The following BANP variants were observed in gnomAD, a reference collection of about 807,000 sequenced individuals.
BANP encodes the protein protein BANP.
In BANP, 11 loss-of-function variants were observed where a neutral mutation model predicts 68.1. The ratio of observed to expected loss-of-function variants is 0.16; its 90% CI spans 0.10 to 0.27. The LOEUF (loss-of-function observed/expected upper bound fraction) is 0.27. BANP is among the 10% of genes least tolerant of loss of function. BANP has a pLI of 1.00. For synonymous variants in BANP, 329 were observed against 303.2 expected (o/e 1.09, Z -0.88); for missense variants, 504 against 722.7 (o/e 0.70, Z 3.47).
At chr16:87,962,587 T>C (rs1567589724) in intron 1 of BANP, among the ~76,000 whole-genome samples, 1 of 152,144 alleles carries the variant, frequency 6.6e-6, no homozygotes, top group Non-Finnish European at 1.5e-5. Context: ...CAGGTGAAAT[T>C]ATGCATGCTA....
At chr16:87,967,507 G>A (rs1438640733) in intron 1 of BANP, among the ~76,000 whole-genome samples, 1 of 152,080 alleles carries the variant, frequency 6.6e-6, no homozygotes, top group Non-Finnish European at 1.5e-5. Context: ...TGAGGCTGGA[G>A]TGTAGTGGCA....
In BANP at chr16:87,970,925, G is replaced by C. The variant is rs1263043827; in HGVS notation, c.-68-4123G>C. 1.3e-5 allele frequency among the ~76,000 whole-genome samples: 2 copies of C among 151,604 alleles called. 1 individual carries two copies. The highest frequency in any genetic ancestry group is 6.3e-3 in the Middle Eastern group (2 of 316). On this transcript the variant is annotated intron_variant, in intron 1 of 13. Transcript: ENST00000682872. The stretch of plus-strand genomic sequence containing the variant: ...ACAGCTACTCGGGAGGCTGAGGCTG[G>C]AGAATCGCTTGAACCCAGGAGGCGG...
chr16:88,076,942 CTA>C lies in BANP; in HGVS notation c.*283_*284del. 2.5e-6 allele frequency: 1 copy of C among 397,064 alleles called. No individual in the cohort carries two copies. 24.6% of individuals were successfully genotyped at this position (397,064 alleles called of 1,614,324 possible). Reference sequence around the variant, plus strand: ...TCGCATATGCGCGGGAAATCAAGAACTATGATATTTTTCTGTTTAAACAGCTT... The same window carrying C: ...TCGCATATGCGCGGGAAATCAAGAACTGATATTTTTCTGTTTAAACAGCTT... On this transcript the variant is annotated 3_prime_UTR_variant, in exon 14 of 14. Coordinates refer to ENST00000682872, the MANE Select transcript of BANP (RefSeq NM_001386991.1).
chr16:88,075,578 G>T (rs993717569), intron 13 of BANP, among the ~76,000 whole-genome samples: 2 of 152,158 alleles, frequency 1.3e-5, no homozygotes, highest in African/African-American at 4.8e-5. Context: ...CTCGGCCGTG[G>T]GCTCGTGGCT....
intron 6 of BANP, among the ~76,000 whole-genome samples, chr16:88,012,491 C>T (rs1414995852): frequency 6.6e-6 from 1 of 152,120 alleles, no homozygotes; most frequent in Non-Finnish European, 1.5e-5. Flanking sequence ...TGCTCTAAGG[C>T]TCTGAACAAC....
At chr16:87,977,985 G>A (rs1293109833) in intron 2 of BANP, among the ~76,000 whole-genome samples, 5 of 152,216 alleles carry the variant, frequency 3.3e-5, no homozygotes, top group Admixed American at 2.6e-4. Flanking sequence ...ACAGGTGCCC[G>A]CCACCATGCC....
At chr16:88,027,731 C>G in intron 8 of BANP, 81 bp downstream of exon 8, 1 of 1,519,748 alleles carries the variant, frequency 6.6e-7, no homozygotes, top group Non-Finnish European at 9.0e-7. Context: ...GCAGCCAGTG[C>G]GTGGCCAGCG....
At chr16:88,056,476 TAGAG>T (rs57522302) in intron 11 of BANP, among the ~76,000 whole-genome samples, 3 of 147,948 alleles carry the variant, frequency 2.0e-5, no homozygotes, top group East Asian at 3.9e-4. Flanking sequence ...TTTTTTTTTT[TAGAG>T]AGAGAACTTA....
rs1207266728 is a variant in BANP at position 87,951,530 on chromosome 16, C to G, written c.-69+15C>G. On this transcript the variant is annotated intron_variant, in intron 1 of 13. Coordinates refer to ENST00000682872, the MANE Select transcript of BANP (RefSeq NM_001386991.1). ...CAGCCCACACGGTAATTGCAGCTCCCGCAGCCGGTCGCGCCTCCGCCTCCC... is the reference window on the plus strand; with the variant it reads ...CAGCCCACACGGTAATTGCAGCTCCGGCAGCCGGTCGCGCCTCCGCCTCCC... 6.5e-6 allele frequency: 1 copy of G among 152,846 alleles called. No individual in the cohort carries two copies. The highest frequency in any genetic ancestry group is 1.9e-4 in the East Asian group (1 of 5,182). 9.5% of individuals were successfully genotyped at this position (152,846 alleles called of 1,614,324 possible). A position where few individuals can be genotyped will look rare whatever the true frequency, so the allele number is the denominator to read the frequency against.
chr16:88,028,771 C>A (rs2077506527), intron 8 of BANP, among the ~76,000 whole-genome samples: 1 of 152,184 alleles, frequency 6.6e-6, no homozygotes, highest in Non-Finnish European at 1.5e-5. Context: ...GAATTCTGCT[C>A]TTGAATATTC....
chr16:87,965,110 G>A (rs2059801498), intron 1 of BANP, among the ~76,000 whole-genome samples: 2 of 152,190 alleles, frequency 1.3e-5, no homozygotes, highest in South Asian at 4.1e-4. Context: ...GCCGTGCCCT[G>A]GGCATGCATC....
chr16:87,978,452 G>C (rs2062610961), intron 2 of BANP: 2 of 345,494 alleles, frequency 5.8e-6, no homozygotes, highest in Non-Finnish European at 1.2e-5. Context: ...CTTGTGTGAT[G>C]ACCGGTTTCC....
intron 2 of BANP, among the ~76,000 whole-genome samples, chr16:87,979,867 T>TG (rs1452864580): frequency 4.6e-5 from 7 of 152,102 alleles, no homozygotes; most frequent in East Asian, 3.9e-4. Context: ...TGGGCTGAGG[T>TG]GGGGGGTCCC....
chr16:88,023,693 A>G (rs539132278), intron 7 of BANP, among the ~76,000 whole-genome samples: 1 of 152,214 alleles, frequency 6.6e-6, no homozygotes, highest in Admixed American at 6.5e-5. Flanking sequence ...TCATGGCCCC[A>G]CAGATGGAGA....
At chr16:88,033,040 A>C in intron 8 of BANP, 69 bp from the exon 9 acceptor site, 2 of 1,475,812 alleles carry the variant, frequency 1.4e-6, no homozygotes, top group South Asian at 1.3e-5. Context: ...ACGGGGGTGC[A>C]CACATGCCAC....
intron 1 of BANP, among the ~76,000 whole-genome samples, chr16:87,971,035 T>A (rs1484286122): frequency 2.1e-5 from 3 of 143,362 alleles, no homozygotes; most frequent in Admixed American, 7.0e-5. Context: ...AAAAAAGAAC[T>A]CTACCACTTC....
intron 12 of BANP, among the ~76,000 whole-genome samples, chr16:88,070,852 T>C (rs192483422): frequency 6.6e-6 from 1 of 152,392 alleles, no homozygotes; most frequent in East Asian, 1.9e-4. Context: ...CGCCGTACTT[T>C]GCTAACCTCA....
At chr16:87,985,500 T>C (rs1363886274) in intron 4 of BANP, among the ~76,000 whole-genome samples, 2 of 152,200 alleles carry the variant, frequency 1.3e-5, no homozygotes, top group African/African-American at 4.8e-5. Flanking sequence ...TGCCTTTTTT[T>C]TTAGGATAGT....
At chr16:87,989,816 A>G (rs375069221) in intron 4 of BANP, among the ~76,000 whole-genome samples, 15 of 70,208 alleles carry the variant, frequency 2.1e-4, no homozygotes, top group African/African-American at 2.5e-4. Flanking sequence ...AGGACACAGG[A>G]CACAGGGCGG....
Sources: gnomAD v4.1 joint callset for allele counts (sites outside exome capture counted in the v4.1 genomes callset) on GRCh38, gnomAD v4.1.1 for gene constraint, MANE v1.5 for transcripts, NCBI Gene and HGNC (gene_info 2026-07-23, HGNC 2026-07-21) for gene names.